PCDH17: variants seen among roughly 807,000 people sequenced by gnomAD.
PCDH17 encodes protocadherin 17, also known as protocadherin-17.
Under a neutral mutation model 67.7 loss-of-function variants are expected in PCDH17, and 21 were observed. That is an observed-to-expected ratio of 0.31 (90% CI 0.22 to 0.45). PCDH17 has a LOEUF of 0.45. PCDH17 is among the 20% of genes least tolerant of loss of function. The probability of loss-of-function intolerance (pLI) is 1.00; values close to 1 mark genes in which losing one functional copy is unlikely to be tolerated. For missense variants in PCDH17, 1,471 were observed against 1,564.8 expected (o/e 0.94, Z 1.01); for synonymous variants, 701 against 656.7 (o/e 1.07, Z -1.03).
chr13:57,658,899 C>T (rs1454256952), intron 1 of PCDH17, among the ~76,000 whole-genome samples: 1 of 152,066 alleles, frequency 6.6e-6, no homozygotes, highest in Non-Finnish European at 1.5e-5. Context: ...CCTGCCTCAG[C>T]CGCCATCTCT....
rs527839787 is a variant in PCDH17, at chr13:57,668,957, C to T, written c.2797+2124C>T. Among the ~76,000 whole-genome samples the T allele has an allele frequency of 9.9e-4, 151 of 152,112 alleles. 2 individuals carry two copies. The highest frequency in any genetic ancestry group is 1.9e-3 in the Non-Finnish European group (131 of 67,980). On this transcript the variant is annotated intron_variant, in intron 3 of 3. Coordinates refer to ENST00000377918, the MANE Select transcript of PCDH17 (RefSeq NM_001040429.3). The stretch of plus-strand genomic sequence containing the variant: ...GCTGTACCCATTAACTCGTCATTTA[C>T]ATTAGTTACATCTCCTAATGCTATC...
At chr13:57,666,203 TGTTATCCATCCTG>T (rs1955251388) in intron 1 of PCDH17, among the ~76,000 whole-genome samples, 2 of 152,308 alleles carry the variant, frequency 1.3e-5, no homozygotes, top group South Asian at 4.1e-4. Context: ...ACACAGCCAG[TGTTATCCATCCTG>T]GTACTAAAAG....
At chr13:57,666,187 G>T (rs1448264803) in intron 1 of PCDH17, among the ~76,000 whole-genome samples, 1 of 152,134 alleles carries the variant, frequency 6.6e-6, no homozygotes, top group Non-Finnish European at 1.5e-5. Flanking sequence ...TCTAAGTAAT[G>T]AAACAACACA....
chr13:57,692,272 C>T (rs1219939057), intron 3 of PCDH17, among the ~76,000 whole-genome samples: 1 of 151,172 alleles, frequency 6.6e-6, no homozygotes, highest in African/African-American at 2.4e-5. Context: ...AGCATACTGG[C>T]AGTTTTTATT....
At chr13:57,704,577 C>CA (rs1296982291) in intron 3 of PCDH17, among the ~76,000 whole-genome samples, 1 of 143,602 alleles carries the variant, frequency 7.0e-6, no homozygotes, top group South Asian at 2.2e-4. Flanking sequence ...AAAAAAAAAA[C>CA]AAAAAAACTA....
intron 3 of PCDH17, among the ~76,000 whole-genome samples, chr13:57,689,869 T>G (rs1955541756): frequency 6.6e-6 from 1 of 151,866 alleles, no homozygotes; most frequent in African/African-American, 2.4e-5. Flanking sequence ...CATTTTATAA[T>G]TACTTTTATA....
intron 1 of PCDH17, among the ~76,000 whole-genome samples, chr13:57,656,793 T>A (rs1955111157): frequency 6.6e-6 from 1 of 152,154 alleles, no homozygotes; most frequent in African/African-American, 2.4e-5. Flanking sequence ...AGGGCTGAGA[T>A]GAAGAGGCTG....
rs1214635413 is a variant in PCDH17, at chr13:57,633,192, C to G, written c.646C>G (p.Leu216Val). Residue 216 changes from leucine to valine, a missense_variant, in exon 1 of 4, where the codon CTG becomes GTG. Around this residue, in one of 3 missense-constraint regions of PCDH17, gnomAD observed 1,163 missense variants for 1,230.0 expected, o/e 0.95. Coordinates refer to ENST00000377918, the MANE Select transcript of PCDH17 (RefSeq NM_001040429.3). The surrounding 1 kb of genome is among the most constrained non-coding windows in gnomAD (Gnocchi z 6.2). ...TCACCATACGCTCGTGCTGACTGCC[C>G]TGGACGGTGGCGAGCCTCCACGTTC... ...QNHHTLVLTA[L>V]DGGEPPRSAT... The G allele has an allele frequency of 6.2e-7, 1 of 1,613,118 alleles. No homozygotes were observed. The highest frequency in any genetic ancestry group is 1.3e-5 in the African/African-American group (1 of 74,890).
chr13:57,726,842 T>C lies in PCDH17; in HGVS notation c.*1548T>C, dbSNP rs957895621. ...TCAGATGTGTGTTCCCATTATATTT[T>C]GAAAACATGAAAAATGCTTTAATGC... On this transcript the variant is annotated 3_prime_UTR_variant, in exon 4 of 4. Transcript: ENST00000377918. 2.6e-5 allele frequency: 4 copies of C among 152,334 alleles called. No individual in the cohort carries two copies. The highest frequency in any genetic ancestry group is 6.5e-5 in the Admixed American group (1 of 15,278). 9.4% of individuals were successfully genotyped at this position (152,334 alleles called of 1,614,324 possible). A position where few individuals can be genotyped will look rare whatever the true frequency, so the allele number is the denominator to read the frequency against.
At chr13:57,704,736 T>G (rs930573027) in intron 3 of PCDH17, among the ~76,000 whole-genome samples, 1 of 152,080 alleles carries the variant, frequency 6.6e-6, no homozygotes, top group African/African-American at 2.4e-5. Flanking sequence ...CATTCTACTT[T>G]GAACAATATC....
Position 57,684,333 on chromosome 13 carries a change from A to T in PCDH17, c.2797+17500A>T, listed in dbSNP as rs572649129. ...ATAAGCACACATTCACATATATATA[A>T]ACACACATTATTTTATTTAAACACA... On this transcript the variant is annotated intron_variant, in intron 3 of 3. Transcript: ENST00000377918. Among the ~76,000 whole-genome samples, 1,071 of 152,020 alleles carry T rather than the reference A, an allele frequency of 7.0e-3. 16 individuals are homozygous for T. Among genetic ancestry groups the T allele is most frequent in the African/African-American group, 0.024 (1,004 of 41,544 alleles).
intron 1 of PCDH17, among the ~76,000 whole-genome samples, chr13:57,652,143 T>G (rs548731102): frequency 7.2e-5 from 11 of 151,870 alleles, no homozygotes; most frequent in African/African-American, 2.7e-4. Flanking sequence ...CCGGGCGCGG[T>G]GGCGGGCGCC....
At chr13:57,647,422 A>T (rs140047399) in intron 1 of PCDH17, among the ~76,000 whole-genome samples, 11 of 151,862 alleles carry the variant, frequency 7.2e-5, no homozygotes, top group African/African-American at 2.6e-4. Context: ...TCACAGGGTT[A>T]CTTTAGTACC....
Position 57,725,976 on chromosome 13 carries a change from G to T in PCDH17, c.*682G>T, listed in dbSNP as rs1366632349. The stretch of plus-strand genomic sequence containing the variant: ...GTCATATAAAAGTTAAATGTAAAAA[G>T]ATACAGTCCATTTTGTCCTGCACAC... On this transcript the variant is annotated 3_prime_UTR_variant, in exon 4 of 4. Coordinates refer to ENST00000377918, the MANE Select transcript of PCDH17 (RefSeq NM_001040429.3). The T allele has an allele frequency of 6.6e-6, 1 of 152,084 alleles. No homozygotes were observed. The highest frequency in any genetic ancestry group is 1.5e-5 in the Non-Finnish European group (1 of 67,980). The allele number at this position is 152,084 out of a possible 1,614,324, so 9.4% of individuals were successfully genotyped here.
chr13:57,716,118 A>G (rs1019601888), intron 3 of PCDH17, among the ~76,000 whole-genome samples: 8 of 151,900 alleles, frequency 5.3e-5, no homozygotes, highest in African/African-American at 1.7e-4. Context: ...AAAACTCTAG[A>G]TATCCCTTTT....
chr13:57,724,558 A>T, intron 3 of PCDH17, 54 bp from the exon 4 acceptor site: 1 of 1,459,020 alleles, frequency 6.9e-7, no homozygotes, highest in Non-Finnish European at 9.4e-7. Flanking sequence ...CCTCTGTAGA[A>T]ATTTAAAGAA....
At chr13:57,647,103 G>T (rs924458202) in intron 1 of PCDH17, among the ~76,000 whole-genome samples, 2 of 151,664 alleles carry the variant, frequency 1.3e-5, no homozygotes. Context: ...ATACAGCTTG[G>T]ACATCTGCTG....
intron 3 of PCDH17, among the ~76,000 whole-genome samples, chr13:57,681,528 C>A (rs1955450586): frequency 6.6e-6 from 1 of 151,508 alleles, no homozygotes; most frequent in South Asian, 2.1e-4. Flanking sequence ...TTACCTTTAC[C>A]CAGAATAATC....
intron 3 of PCDH17, among the ~76,000 whole-genome samples, chr13:57,671,880 T>C (rs1391602330): frequency 2.0e-5 from 3 of 152,018 alleles, no homozygotes; most frequent in Non-Finnish European, 4.4e-5. Context: ...TGGCCGGCCG[T>C]CAGTCCCTTC....
Sources: allele counts gnomAD v4.1 joint callset (sites outside exome capture counted in the v4.1 genomes callset), GRCh38; gene constraint gnomAD v4.1.1; regional missense constraint gnomAD v4.1.1; non-coding constraint Gnocchi (gnomAD v3.1); transcripts MANE v1.5; gene names NCBI Gene and HGNC (gene_info 2026-07-23, HGNC 2026-07-21).